The following EXOC6B variants were observed in gnomAD, a reference collection of about 807,000 sequenced individuals.
EXOC6B encodes SEC15 homolog B.
A neutral mutation model predicts 113.5 loss-of-function variants in EXOC6B; 54 were observed. The ratio of observed to expected loss-of-function variants is 0.48; its 90% CI spans 0.38 to 0.60. The LOEUF is 0.60. Among genes scored for constraint, EXOC6B ranks in the 20% least tolerant of loss-of-function variants. The pLI is 0.00. For missense variants in EXOC6B, 797 were observed against 977.5 expected, an observed-to-expected ratio of 0.82 and a Z score of 2.46; for synonymous variants, 357 against 339.0, an observed-to-expected ratio of 1.05 and a Z score of -0.58.
intron 1 of EXOC6B, among the ~76,000 whole-genome samples, chr2:72,815,017 T>C (rs988678884): frequency 6.6e-6 from 1 of 152,142 alleles, no homozygotes; most frequent in Non-Finnish European, 1.5e-5. Flanking sequence ...ATAAAATGGC[T>C]TTGTTTACTG....
intron 6 of EXOC6B, among the ~76,000 whole-genome samples, chr2:72,678,439 G>T (rs1414009462): frequency 1.3e-5 from 2 of 152,222 alleles, no homozygotes; most frequent in East Asian, 3.8e-4. Flanking sequence ...GGGCACTGTG[G>T]TTCACGTTTA....
At chr2:72,367,831 C>T (rs1690731623) in intron 19 of EXOC6B, among the ~76,000 whole-genome samples, 1 of 152,112 alleles carries the variant, frequency 6.6e-6, no homozygotes, top group South Asian at 2.1e-4. Context: ...AGAACCCACA[C>T]ATGGAGGGAA....
At chr2:72,753,057 A>T (rs188687893) in intron 1 of EXOC6B, among the ~76,000 whole-genome samples, 238 of 152,184 alleles carry the variant, frequency 1.6e-3, no homozygotes, top group Non-Finnish European at 2.9e-3. Flanking sequence ...ATACCAGGAT[A>T]TATCTCTGTC....
chr2:72,401,651 A>ATATATATATATATATG (rs1558631470), intron 18 of EXOC6B, among the ~76,000 whole-genome samples: 1 of 74,140 alleles, frequency 1.3e-5, no homozygotes, highest in Non-Finnish European at 2.2e-5. Context: ...ATATACATAT[A>ATATATATATATATATG]TATATATATA....
At chr2:72,485,962 C>T (rs1699400112) in intron 16 of EXOC6B, among the ~76,000 whole-genome samples, 1 of 152,144 alleles carries the variant, frequency 6.6e-6, no homozygotes, top group Non-Finnish European at 1.5e-5. Context: ...AATAATTAAA[C>T]ATAAATACTA....
At position 72,192,286 on chromosome 2, in the gene EXOC6B, A is replaced by C. The variant is rs183724278; in HGVS notation, c.2197-8099T>G. Among the ~76,000 whole-genome samples the C allele has an allele frequency of 5.3e-5, 8 of 152,340 alleles. No individual in the cohort carries two copies. In the East Asian group the frequency reaches 1.4e-3, roughly 26 times the overall value. On this transcript the variant is annotated intron_variant, in intron 20 of 21. Coordinates refer to ENST00000272427, the MANE Select transcript of EXOC6B (RefSeq NM_015189.3). ...AATAGGTCAGCTAACATTTTGTAGC[A>C]ATGATACTGGCCAGATGGTGGGAGA... is the stretch of plus-strand genomic sequence containing the variant.
chr2:72,509,163 C>A (rs1337584565), intron 11 of EXOC6B, among the ~76,000 whole-genome samples: 1 of 152,158 alleles, frequency 6.6e-6, no homozygotes, highest in Non-Finnish European at 1.5e-5. Context: ...AGCAGGCATA[C>A]ACTGAGGAAA....
intron 20 of EXOC6B, among the ~76,000 whole-genome samples, chr2:72,267,401 G>A (rs1573132304): frequency 3.3e-5 from 5 of 152,104 alleles, no homozygotes. Context: ...GTTTGTCATA[G>A]ATAGCTCTTA....
intron 11 of EXOC6B, among the ~76,000 whole-genome samples, chr2:72,509,863 T>G (rs1292288664): frequency 6.6e-6 from 1 of 152,176 alleles, no homozygotes; most frequent in East Asian, 1.9e-4. Flanking sequence ...AGACAGAGTC[T>G]TGCTCTGTCA....
At chr2:72,823,810 G>A (rs552965904) in intron 1 of EXOC6B, among the ~76,000 whole-genome samples, 2 of 151,750 alleles carry the variant, frequency 1.3e-5, no homozygotes, top group South Asian at 4.2e-4. Context: ...GGTTGCATCC[G>A]CACTAAACAT....
At chr2:72,203,453 A>G (rs1474416943) in intron 20 of EXOC6B, among the ~76,000 whole-genome samples, 4 of 152,130 alleles carry the variant, frequency 2.6e-5, no homozygotes, top group Non-Finnish European at 5.9e-5. Context: ...GGGAATTTCT[A>G]TTTGCTGGTC....
intron 20 of EXOC6B, among the ~76,000 whole-genome samples, chr2:72,273,557 G>A (rs188492196): frequency 2.0e-5 from 3 of 152,222 alleles, no homozygotes; most frequent in South Asian, 2.1e-4. Flanking sequence ...AGGTTCACAG[G>A]GGAGGAAGCA....
intron 6 of EXOC6B, among the ~76,000 whole-genome samples, chr2:72,638,458 G>C (rs1295430722): frequency 6.6e-6 from 1 of 152,076 alleles, no homozygotes; most frequent in Non-Finnish European, 1.5e-5. Flanking sequence ...AATCCAAACA[G>C]ATCTTCTGAG....
intron 19 of EXOC6B, among the ~76,000 whole-genome samples, chr2:72,349,845 C>A (rs1689545399): frequency 6.6e-6 from 1 of 152,152 alleles, no homozygotes. Flanking sequence ...GGCAGAAGTG[C>A]AGGTGGCCCG....
At chr2:72,517,818 G>A (rs939782194) in intron 8 of EXOC6B, among the ~76,000 whole-genome samples, 1 of 152,044 alleles carries the variant, frequency 6.6e-6, no homozygotes. Flanking sequence ...ATAAATGATA[G>A]AAAATACATA....
At chr2:72,811,917 A>C (rs1278292276) in intron 1 of EXOC6B, among the ~76,000 whole-genome samples, 1 of 152,254 alleles carries the variant, frequency 6.6e-6, no homozygotes, top group Non-Finnish European at 1.5e-5. Flanking sequence ...AAGAGCATCC[A>C]CAAAAAAACC....
chr2:72,179,373 T>G lies in EXOC6B; in HGVS notation c.2398A>C (p.Lys800Gln). The change falls in exon 22 of 22, where the codon AAG (lysine) becomes CAG (glutamine). Residue 800 changes from lysine to glutamine, a missense_variant. Coordinates refer to ENST00000272427, the MANE Select transcript of EXOC6B (RefSeq NM_015189.3). ...DKQKLIDTVA[K>Q]QLRGLISSHH... is the part of the protein sequence containing the mutation. ...CTGCTGATGAGTCCTCGGAGCTGCT[T>G]GGCCACGGTGTCAATGAGTTTCTGC... 6.2e-7 allele frequency: 1 copy of G among 1,613,348 alleles called. No individual in the cohort carries two copies.
intron 6 of EXOC6B, among the ~76,000 whole-genome samples, chr2:72,625,840 A>G (rs1672018238): frequency 6.6e-6 from 1 of 152,214 alleles, no homozygotes; most frequent in African/African-American, 2.4e-5. Flanking sequence ...TCCAATTCAC[A>G]TGTGGTCATC....
intron 11 of EXOC6B, among the ~76,000 whole-genome samples, chr2:72,505,378 C>G (rs1700543514): frequency 6.6e-6 from 1 of 152,070 alleles, no homozygotes; most frequent in Non-Finnish European, 1.5e-5. Flanking sequence ...ATATATATCC[C>G]AAGGATCCAT....
Sources: allele counts gnomAD v4.1 joint callset (sites outside exome capture counted in the v4.1 genomes callset), GRCh38; gene constraint gnomAD v4.1.1; transcripts MANE v1.5; gene names NCBI Gene and HGNC (gene_info 2026-07-23, HGNC 2026-07-21).